Variants in THSD8 observed in about 807,000 individuals in gnomAD.
The protein encoded by THSD8 is thrombospondin type 1 domain containing 8.
rs1599530538 is a variant in THSD8 at position 12,804,003 on chromosome 19, T to G, written c.149-101T>G. ...AAGCAGAGTCTAGCGAATATGTGCTTCTCTTATTCGTTAGTATCTTTATCT... is the reference window on the plus strand; with the variant it reads ...AAGCAGAGTCTAGCGAATATGTGCTGCTCTTATTCGTTAGTATCTTTATCT... On this transcript the variant is annotated intron_variant, in intron 1 of 1. Coordinates refer to ENST00000639810, the MANE Select transcript of THSD8 (RefSeq NM_001386800.1). 23 of 384,704 alleles carry G rather than the reference T, an allele frequency of 6.0e-5. No individual in the cohort carries two copies. The East Asian group carries it at 8.2e-4, about 14-fold the overall frequency. 23.8% of individuals were successfully genotyped at this position (384,704 alleles called of 1,614,324 possible). A position where few individuals can be genotyped will look rare whatever the true frequency, so the allele number is the denominator to read the frequency against.
Position 12,802,121 on chromosome 19 carries a change from AG to A in THSD8, c.51del (p.Gln17HisfsTer15), listed in dbSNP as rs1441560284. ...ALLLAPLLLLQLATPALVYQD... is the reference protein window; with the variant it reads ...ALLLAPLLLLXLATPALVYQD... ...CTGCTGGCGCCTCTGCTACTCCTGC[AG>A]CTGGCGACCCCTGCCCTGGTCTACC... On this transcript the variant is annotated frameshift_variant, in exon 1 of 2. Coordinates refer to ENST00000639810, the MANE Select transcript of THSD8 (RefSeq NM_001386800.1). LOFTEE classifies it high-confidence loss of function. The A allele has an allele frequency of 5.0e-6, 2 of 398,610 alleles. No individual in the cohort carries two copies. The highest frequency in any genetic ancestry group is 8.8e-6 in the Non-Finnish European group (2 of 226,128). The allele number at this position is 398,610 out of a possible 1,614,324, so 24.7% of individuals were successfully genotyped here. A position where few individuals can be genotyped will look rare whatever the true frequency, so the allele number is the denominator to read the frequency against.
At chr19:12,803,338 A>C (rs1599530163) in intron 1 of THSD8, among the ~76,000 whole-genome samples, 1 of 152,202 alleles carries the variant, frequency 6.6e-6, no homozygotes, top group African/African-American at 2.4e-5. Flanking sequence ...AGATTTACTT[A>C]CCTTCATTAT....
chr19:12,803,859 C>T (rs1968940961), intron 1 of THSD8, among the ~76,000 whole-genome samples: 1 of 131,398 alleles, frequency 7.6e-6, no homozygotes, highest in South Asian at 2.5e-4. Flanking sequence ...CTGCAGTGAG[C>T]TGTGACTGCG....
intron 1 of THSD8, among the ~76,000 whole-genome samples, chr19:12,803,416 A>G (rs1968933781): frequency 6.6e-6 from 1 of 152,206 alleles, no homozygotes; most frequent in South Asian, 2.1e-4. Flanking sequence ...AGGTAGGGCC[A>G]TGGTCACACC....
chr19:12,803,756 C>A (rs1019668811), intron 1 of THSD8, among the ~76,000 whole-genome samples: 1 of 151,220 alleles, frequency 6.6e-6, no homozygotes, highest in African/African-American at 2.4e-5. Context: ...GCAAAAAATA[C>A]AAAAAATTAG....
chr19:12,804,349 TGGGCGC>T lies in THSD8; in HGVS notation c.*49_*54del, dbSNP rs1283908400. The T allele has an allele frequency of 5.0e-6, 2 of 398,062 alleles. No homozygotes were observed. The allele number at this position is 398,062 out of a possible 1,614,324, so 24.7% of individuals were successfully genotyped here. A position where few individuals can be genotyped will look rare whatever the true frequency, so the allele number is the denominator to read the frequency against. On this transcript the variant is annotated 3_prime_UTR_variant, in exon 2 of 2. Transcript: ENST00000639810. ...CCGGGGCAAGTTGCGGGGCCCAGGG[TGGGCGC>T]GGAGGGAGGATGTGCGGTGCGGGGC...
intron 1 of THSD8, among the ~76,000 whole-genome samples, chr19:12,802,850 C>T (rs905542543): frequency 1.3e-5 from 2 of 152,014 alleles, no homozygotes; most frequent in African/African-American, 4.8e-5. Flanking sequence ...CGGTAGCTCA[C>T]GCCTATAATC....
intron 1 of THSD8, among the ~76,000 whole-genome samples, 154 bp downstream of exon 1, chr19:12,802,373 C>A (rs1216491626): frequency 6.6e-6 from 1 of 152,188 alleles, no homozygotes; most frequent in Non-Finnish European, 1.5e-5. Context: ...TTCTCTAAGG[C>A]TCGGTTTACT....
intron 1 of THSD8, among the ~76,000 whole-genome samples, 152 bp downstream of exon 1, chr19:12,802,371 G>C (rs1347522197): frequency 6.6e-6 from 1 of 152,202 alleles, no homozygotes; most frequent in African/African-American, 2.4e-5. Flanking sequence ...TTTTCTCTAA[G>C]GCTCGGTTTA....
At chr19:12,803,638 G>T (rs1206820479) in intron 1 of THSD8, among the ~76,000 whole-genome samples, 1 of 151,940 alleles carries the variant, frequency 6.6e-6, no homozygotes, top group African/African-American at 2.4e-5. Flanking sequence ...CAGGCATGGT[G>T]GCTGGCTCAC....
Position 12,804,325 on chromosome 19 carries a change from CGG to C in THSD8, c.*25_*26del. 1 of 398,572 alleles carries C rather than the reference CGG, an allele frequency of 2.5e-6. No homozygotes were observed. The highest frequency in any genetic ancestry group is 3.6e-5 in the East Asian group (1 of 28,076). The allele number at this position is 398,572 out of a possible 1,614,324, so 24.7% of individuals were successfully genotyped here. ...CTGAGCCCGGGTGAGAGAGCAGGGC[CGG>C]GGCAAGTTGCGGGGCCCAGGGTGGG... On this transcript the variant is annotated 3_prime_UTR_variant, in exon 2 of 2. Coordinates refer to ENST00000639810, the MANE Select transcript of THSD8 (RefSeq NM_001386800.1).
At chr19:12,803,325 G>A (rs1402909162) in intron 1 of THSD8, among the ~76,000 whole-genome samples, 2 of 152,112 alleles carry the variant, frequency 1.3e-5, no homozygotes, top group African/African-American at 2.4e-5. Flanking sequence ...GCACAGCACC[G>A]GGAGATTTAC....
chr19:12,802,768 A>T (rs1314622121), intron 1 of THSD8, among the ~76,000 whole-genome samples: 2 of 152,030 alleles, frequency 1.3e-5, no homozygotes, highest in African/African-American at 4.8e-5. Flanking sequence ...CGGAGTTGGG[A>T]TAAGATCTGT....
intron 1 of THSD8, among the ~76,000 whole-genome samples, chr19:12,802,970 T>A (rs1375167932): frequency 6.6e-6 from 1 of 151,838 alleles, no homozygotes; most frequent in Non-Finnish European, 1.5e-5. Flanking sequence ...AAAATTAGCC[T>A]GACTTGATGG....
chr19:12,803,004 C>T (rs1340499386), intron 1 of THSD8, among the ~76,000 whole-genome samples: 6 of 151,704 alleles, frequency 4.0e-5, no homozygotes, highest in Non-Finnish European at 5.9e-5. Context: ...GAGGCCGAGG[C>T]GGGAGGACTG....
Position 12,804,108 on chromosome 19 carries a change from C to T in THSD8, c.153C>T (p.Val51=), listed in dbSNP as rs1357346648. Residue 51 remains valine (V), a synonymous_variant, in exon 2 of 2, where the codon GTC becomes GTT. Transcript: ENST00000639810. ...ACCTCTGCCCTCCTTCTCTAGAAGT[C>T]GAGGACTCAATCCTTGGCCCGTGGG... ...EQLRLQHLKE[V]EDSILGPWGK... 5.0e-6 allele frequency: 2 copies of T among 398,334 alleles called. No homozygotes were observed. The highest frequency in any genetic ancestry group is 3.6e-5 in the East Asian group (1 of 28,066). The allele number at this position is 398,334 out of a possible 1,614,324, so 24.7% of individuals were successfully genotyped here. A position where few individuals can be genotyped will look rare whatever the true frequency, so the allele number is the denominator to read the frequency against.
rs567214043 is a variant in THSD8 at position 12,802,133 on chromosome 19, C to G, written c.62C>G (p.Pro21Arg). The G allele has an allele frequency of 6.8e-5, 27 of 398,710 alleles. No homozygotes were observed. The highest frequency in any genetic ancestry group is 1.3e-3 in the Middle Eastern group (2 of 1,588). 24.7% of individuals were successfully genotyped at this position (398,710 alleles called of 1,614,324 possible). A position where few individuals can be genotyped will look rare whatever the true frequency, so the allele number is the denominator to read the frequency against. Residue 21 changes from proline to arginine, a missense_variant, in exon 1 of 2, where the codon CCT becomes CGT. Coordinates refer to ENST00000639810, the MANE Select transcript of THSD8 (RefSeq NM_001386800.1). ...CTGCTACTCCTGCAGCTGGCGACCC[C>G]TGCCCTGGTCTACCAGGACTATCAG... is the stretch of plus-strand genomic sequence containing the variant. ...APLLLLQLATPALVYQDYQYL... is the reference protein window; with the variant it reads ...APLLLLQLATRALVYQDYQYL...
Position 12,804,364 on chromosome 19 carries a change from G to C in THSD8, c.*61G>C. 2.5e-6 allele frequency: 1 copy of C among 398,390 alleles called. No individual in the cohort carries two copies. 24.7% of individuals were successfully genotyped at this position (398,390 alleles called of 1,614,324 possible). A position where few individuals can be genotyped will look rare whatever the true frequency, so the allele number is the denominator to read the frequency against. On this transcript the variant is annotated 3_prime_UTR_variant, in exon 2 of 2. Coordinates refer to ENST00000639810, the MANE Select transcript of THSD8 (RefSeq NM_001386800.1). ...GGGCCCAGGGTGGGCGCGGAGGGAG[G>C]ATGTGCGGTGCGGGGCGGGTATGAA...
chr19:12,803,680 A>G (rs112101506), intron 1 of THSD8, among the ~76,000 whole-genome samples: 2,842 of 152,086 alleles, frequency 0.019, 40 homozygotes, highest in South Asian at 0.043. Flanking sequence ...GGAGGCTGAG[A>G]TGGGAGTATC....
Sources: gnomAD v4.1 joint callset for allele counts (sites outside exome capture counted in the v4.1 genomes callset) on GRCh38, gnomAD v4.1.1 for gene constraint, MANE v1.5 for transcripts, NCBI Gene and HGNC (gene_info 2026-07-23, HGNC 2026-07-21) for gene names.